Variants in FRMPD4 observed in about 807,000 individuals in gnomAD.
FRMPD4 encodes FERM and PDZ domain containing 4, also known as FERM and PDZ domain-containing protein 4.
A neutral mutation model predicts 94.1 loss-of-function variants in FRMPD4; 22 were observed. That is an observed-to-expected ratio of 0.23 (90% CI 0.17 to 0.33). The LOEUF (loss-of-function observed/expected upper bound fraction) is 0.33. Among genes scored for constraint, FRMPD4 ranks in the 10% least tolerant of loss-of-function variants. The probability of loss-of-function intolerance (pLI) is 1.00; values close to 1 mark genes in which losing one functional copy is unlikely to be tolerated. For synonymous variants in FRMPD4, 631 were observed against 548.6 expected (o/e 1.15, Z -2.10); for missense variants, 1,111 against 1,339.9 (o/e 0.83, Z 2.67).
chrX:12,503,856 A>T (rs901055174), intron 2 of FRMPD4, among the ~76,000 whole-genome samples: 10 of 112,090 alleles, frequency 8.9e-5, no homozygotes, highest in South Asian at 3.7e-4. Context: ...ACAAGATTTC[A>T]TGAGACTTTT....
At chrX:12,481,505 A>G (rs955375958) in intron 1 of FRMPD4, among the ~76,000 whole-genome samples, 1 of 110,899 alleles carries the variant, frequency 9.0e-6, no homozygotes, top group African/African-American at 3.3e-5. Flanking sequence ...GACTTTCATG[A>G]CTCACCAAAA....
At chrX:12,538,605 C>T (rs991462883) in intron 2 of FRMPD4, among the ~76,000 whole-genome samples, 3 of 111,553 alleles carry the variant, frequency 2.7e-5, no homozygotes, top group African/African-American at 6.5e-5. Context: ...CCCACACGGC[C>T]GGGTACCCCT....
intron 1 of FRMPD4, among the ~76,000 whole-genome samples, chrX:11,828,472 T>G (rs2053456594): frequency 7.9e-5 from 1 of 12,677 alleles, no homozygotes; most frequent in African/African-American, 3.8e-4. Context: ...GTTTAACTTT[T>G]AGAACTTTTA....
rs141801440 is a variant in FRMPD4 at position 12,416,262 on chromosome X, C to G, written c.42-82418C>G. On this transcript the variant is annotated intron_variant, in intron 1 of 16. Transcript: ENST00000675598. ...TTTTTGGATATAAATAGTGATTGAG[C>G]AAGGACCACAAAGCAGCTTTCTCTC... is the stretch of plus-strand genomic sequence containing the variant. 5.2e-3 allele frequency among the ~76,000 whole-genome samples: 569 copies of G among 110,180 alleles called. 4 individuals are homozygous for G. The highest frequency in any genetic ancestry group is 0.018 in the African/African-American group (542 of 30,280).
At chrX:12,288,138 G>C (rs1004830859) in intron 1 of FRMPD4, among the ~76,000 whole-genome samples, 3 of 111,944 alleles carry the variant, frequency 2.7e-5, no homozygotes, top group Non-Finnish European at 5.6e-5. Flanking sequence ...TGGCTACCAT[G>C]AAGTCACATA....
At position 12,138,746 on chromosome X, in the gene FRMPD4, CT is replaced by C; in HGVS notation, c.-225del. ...CATTGAGTTTTCCTGCCTCGGGTGC[CT>C]ATCAATGGTCCTGCTCGGGGATGCA... On this transcript the variant is annotated 5_prime_UTR_variant, in exon 1 of 17. Transcript: ENST00000675598. 1 of 318,310 alleles carries C rather than the reference CT, an allele frequency of 3.1e-6. No homozygotes were observed. 26.2% of individuals were successfully genotyped at this position (318,310 alleles called of 1,213,427 possible).
Position 12,310,544 on chromosome X carries a change from T to C in FRMPD4, c.41+171532T>C, listed in dbSNP as rs1295343914. Among the ~76,000 whole-genome samples, 6 of 112,047 alleles carry C rather than the reference T, an allele frequency of 5.4e-5. No individual in the cohort carries two copies. In the Admixed American group the frequency reaches 5.6e-4, roughly 11 times the overall value. ...TCTCAACTTGCCTTCAGTAAATAAA[T>C]ATCATTGTCATAAATCAGTAGTTTT... is the stretch of plus-strand genomic sequence containing the variant. On this transcript the variant is annotated intron_variant, in intron 1 of 16. Transcript: ENST00000675598.
At chrX:12,434,752 A>G (rs2057046044) in intron 1 of FRMPD4, among the ~76,000 whole-genome samples, 1 of 112,806 alleles carries the variant, frequency 8.9e-6, no homozygotes, top group Admixed American at 9.4e-5. Context: ...CCAAAAGCAC[A>G]GGGCAGCTAC....
chrX:12,496,623 TATAG>T (rs1042382674), intron 1 of FRMPD4, among the ~76,000 whole-genome samples: 5 of 112,241 alleles, frequency 4.5e-5, no homozygotes, highest in Non-Finnish European at 9.4e-5. Flanking sequence ...TCAAGGTTGT[TATAG>T]ATAAATACTT....
At chrX:11,979,316 G>A (rs1159572440) in intron 3 of FRMPD4, among the ~76,000 whole-genome samples, 1 of 112,198 alleles carries the variant, frequency 8.9e-6, no homozygotes, top group Non-Finnish European at 1.9e-5. Context: ...AATATATTTA[G>A]TCATTCTACA....
chrX:12,175,634 C>T (rs182338350), intron 1 of FRMPD4, among the ~76,000 whole-genome samples: 3 of 112,145 alleles, frequency 2.7e-5, no homozygotes, highest in African/African-American at 6.5e-5. Flanking sequence ...CTGCCTCAGC[C>T]TCCCGAGTAG....
intron 1 of FRMPD4, among the ~76,000 whole-genome samples, chrX:11,826,232 G>T (rs184563341): frequency 8.9e-6 from 1 of 112,196 alleles, no homozygotes; most frequent in Non-Finnish European, 1.9e-5. Context: ...CATTCTTAAA[G>T]TCCCTGAGAA....
chrX:12,030,752 A>G (rs1256837687), intron 3 of FRMPD4, among the ~76,000 whole-genome samples: 4 of 111,892 alleles, frequency 3.6e-5, no homozygotes, highest in Admixed American at 9.5e-5. Flanking sequence ...TACTTACTAG[A>G]GATAAAGACA....
At chrX:12,229,993 C>T (rs1237199808) in intron 1 of FRMPD4, among the ~76,000 whole-genome samples, 1 of 111,678 alleles carries the variant, frequency 9.0e-6, no homozygotes, top group African/African-American at 3.3e-5. Context: ...TTGGATGTGT[C>T]CTCTACCATC....
At chrX:12,642,674 G>A (rs766205324) in intron 4 of FRMPD4, among the ~76,000 whole-genome samples, 1 of 112,823 alleles carries the variant, frequency 8.9e-6, no homozygotes, top group African/African-American at 3.2e-5. Flanking sequence ...GGCCAACGTG[G>A]GTGGATTACT....
intron 10 of FRMPD4, among the ~76,000 whole-genome samples, chrX:12,704,019 T>A (rs184442834): frequency 3.6e-5 from 4 of 111,718 alleles, no homozygotes; most frequent in Admixed American, 2.8e-4. Flanking sequence ...TGGAGAGAAA[T>A]TGGTGTTGGA....
At chrX:12,370,236 C>T (rs768676080) in intron 1 of FRMPD4, among the ~76,000 whole-genome samples, 4 of 111,639 alleles carry the variant, frequency 3.6e-5, no homozygotes, top group East Asian at 2.8e-4. Flanking sequence ...TTTGGGAGGC[C>T]GAGGCAGGAG....
chrX:12,586,661 AATTT>A (rs1157468004), intron 2 of FRMPD4, among the ~76,000 whole-genome samples: 2 of 112,069 alleles, frequency 1.8e-5, no homozygotes, highest in Non-Finnish European at 1.9e-5. Context: ...TCACAAACAC[AATTT>A]ATTATACCCA....
chrX:11,840,487 C>A (rs2053528007), intron 1 of FRMPD4, among the ~76,000 whole-genome samples: 1 of 110,285 alleles, frequency 9.1e-6, no homozygotes, highest in African/African-American at 3.3e-5. Context: ...CATGTGGAAT[C>A]ATATAACCTC....
Sources: allele counts gnomAD v4.1 joint callset (sites outside exome capture counted in the v4.1 genomes callset), GRCh38; gene constraint gnomAD v4.1.1; transcripts MANE v1.5; gene names NCBI Gene and HGNC (gene_info 2026-07-23, HGNC 2026-07-21).